The following RIC1 variants were observed in gnomAD, a reference collection of about 807,000 sequenced individuals.
The protein encoded by RIC1 is RIC1 partner of RAB6A GEF complex, also known as guanine nucleotide exchange factor subunit RIC1.
In RIC1, 88 loss-of-function variants were observed where a neutral mutation model predicts 169.0. That is an observed-to-expected ratio of 0.52 (90% CI 0.44 to 0.62). RIC1 has a LOEUF of 0.62. RIC1 is among the 20% of genes least tolerant of loss of function. The pLI is 0.00. For missense variants in RIC1, 1,877 were observed against 1,725.5 expected (o/e 1.09, Z -1.56); for synonymous variants, 790 against 601.5 (o/e 1.31, Z -4.59).
At chr9:5,750,298 A>G (rs1825645023) in intron 12 of RIC1, among the ~76,000 whole-genome samples, 2 of 151,914 alleles carry the variant, frequency 1.3e-5, no homozygotes, top group South Asian at 4.1e-4. Flanking sequence ...TCTGAAAGGT[A>G]CATAAATCTA....
chr9:5,763,908 G>T lies in RIC1; in HGVS notation c.2841+40G>T, dbSNP rs373520548. The T allele has an allele frequency of 1.9e-6, 3 of 1,539,862 alleles. No homozygotes were observed. In the African/African-American group the frequency reaches 4.2e-5, roughly 21 times the overall value. On this transcript the variant is annotated intron_variant, in intron 19 of 25. Transcript: ENST00000414202. This position sits in a 1 kb window ranked among gnomAD's most constrained non-coding sequence, Gnocchi z 5.2. The stretch of plus-strand genomic sequence containing the variant: ...CTTATAAAGGGGCAAGAATTAATGA[G>T]CTTAAACTTAGAAAAATAGAAATGT...
chr9:5,777,368 A>G (rs1351589798), downstream of RIC1, among the ~76,000 whole-genome samples: 5 of 151,368 alleles, frequency 3.3e-5, no homozygotes, highest in African/African-American at 1.2e-4. Flanking sequence ...TCCACACAAA[A>G]TGGAAGACTC....
intron 3 of RIC1, among the ~76,000 whole-genome samples, chr9:5,709,482 T>G (rs1822802552): frequency 6.6e-6 from 1 of 152,210 alleles, no homozygotes; most frequent in South Asian, 2.1e-4. Context: ...TTCAGTTTTC[T>G]CTCTGAAAAA....
intron 6 of RIC1, among the ~76,000 whole-genome samples, chr9:5,723,469 G>A (rs908099649): frequency 9.2e-5 from 14 of 152,194 alleles, no homozygotes; most frequent in African/African-American, 3.1e-4. Flanking sequence ...CCCTTTGTCA[G>A]ATGGGTAGAT....
At chr9:5,647,369 A>C (rs1045177752) in intron 1 of RIC1, among the ~76,000 whole-genome samples, 1 of 152,214 alleles carries the variant, frequency 6.6e-6, no homozygotes, top group Non-Finnish European at 1.5e-5. Flanking sequence ...TTTTGAAAGG[A>C]CTTACATTGA....
chr9:5,760,018 A>G (rs1586704245), intron 17 of RIC1, among the ~76,000 whole-genome samples: 1 of 152,234 alleles, frequency 6.6e-6, no homozygotes, highest in Admixed American at 6.5e-5. Context: ...TAATTTGGCT[A>G]GAGCAGATTA....
At chr9:5,639,569 G>C (rs180971514) in intron 1 of RIC1, among the ~76,000 whole-genome samples, 1 of 152,256 alleles carries the variant, frequency 6.6e-6, no homozygotes, top group African/African-American at 2.4e-5. Flanking sequence ...GCACCCTTTG[G>C]ATGAAATGTT....
At chr9:5,729,312 A>G (rs1487692554) in intron 6 of RIC1, among the ~76,000 whole-genome samples, 1 of 152,168 alleles carries the variant, frequency 6.6e-6, no homozygotes, top group Non-Finnish European at 1.5e-5. Context: ...TTGGCTGCTC[A>G]GCTTTGGGGA....
intron 1 of RIC1, among the ~76,000 whole-genome samples, chr9:5,637,387 A>G (rs1389063203): frequency 6.6e-6 from 1 of 152,196 alleles, no homozygotes; most frequent in Non-Finnish European, 1.5e-5. Context: ...TTTTGATACT[A>G]GCGTGCAATT....
At chr9:5,696,128 C>T (rs1489589024) in intron 3 of RIC1, among the ~76,000 whole-genome samples, 1 of 152,110 alleles carries the variant, frequency 6.6e-6, no homozygotes, top group Non-Finnish European at 1.5e-5. Flanking sequence ...CTATTTTACT[C>T]TCATTGGTCT....
chr9:5,728,936 C>T (rs141109596), intron 6 of RIC1, among the ~76,000 whole-genome samples: 8 of 152,114 alleles, frequency 5.3e-5, no homozygotes, highest in Admixed American at 2.6e-4. Context: ...TTACTATGTC[C>T]TTTACCATAG....
chr9:5,736,818 A>T (rs186004441), intron 7 of RIC1, among the ~76,000 whole-genome samples: 1 of 152,304 alleles, frequency 6.6e-6, no homozygotes, highest in African/African-American at 2.4e-5. Context: ...ACACAGAAAA[A>T]AAAGAAAACA....
At chr9:5,731,959 C>G (rs1435708160) in intron 6 of RIC1, among the ~76,000 whole-genome samples, 1 of 152,006 alleles carries the variant, frequency 6.6e-6, no homozygotes, top group African/African-American at 2.4e-5. Context: ...AAGAATAAAC[C>G]AAACAGAATG....
chr9:5,718,445 T>A (rs1823399736), intron 4 of RIC1, among the ~76,000 whole-genome samples: 1 of 152,146 alleles, frequency 6.6e-6, no homozygotes, highest in Admixed American at 6.5e-5. Context: ...CTGGAGCCCT[T>A]TAGTCATTTA....
At chr9:5,740,288 A>G (rs1400505326) in intron 8 of RIC1, among the ~76,000 whole-genome samples, 2 of 152,224 alleles carry the variant, frequency 1.3e-5, no homozygotes, top group Middle Eastern at 3.4e-3. Context: ...AGTGCGTACT[A>G]TTAGAAATAG....
intron 2 of RIC1, among the ~76,000 whole-genome samples, chr9:5,667,424 G>C (rs908850680): frequency 6.6e-6 from 1 of 150,750 alleles, no homozygotes; most frequent in Non-Finnish European, 1.5e-5. Context: ...TGCTAGCTTC[G>C]GGATTACTTT....
chr9:5,705,520 A>G (rs1822531574), intron 3 of RIC1, among the ~76,000 whole-genome samples: 1 of 152,144 alleles, frequency 6.6e-6, no homozygotes, highest in African/African-American at 2.4e-5. Context: ...TATTAGCTCT[A>G]ATAACTCTTC....
intron 3 of RIC1, among the ~76,000 whole-genome samples, chr9:5,691,195 A>G (rs899618122): frequency 1.3e-5 from 2 of 151,992 alleles, no homozygotes; most frequent in Non-Finnish European, 2.9e-5. Flanking sequence ...TATAATGCCA[A>G]GTGAAGAAAC....
In RIC1 at chr9:5,637,759, A is replaced by G. The variant is rs531664867; in HGVS notation, c.144+8306A>G. Among the ~76,000 whole-genome samples the G allele has an allele frequency of 1.2e-4, 18 of 152,324 alleles. No homozygotes were observed. In the South Asian group the frequency reaches 3.3e-3, roughly 28 times the overall value. ...TATTGCACTTAACATAATGACCTCT[A>G]GTTCCATCCATGTTGTTGTAAATGA... On this transcript the variant is annotated intron_variant, in intron 1 of 25. Coordinates refer to ENST00000414202, the MANE Select transcript of RIC1 (RefSeq NM_020829.4).
Sources: gnomAD v4.1 joint callset for allele counts (sites outside exome capture counted in the v4.1 genomes callset) on GRCh38, gnomAD v4.1.1 for gene constraint, Gnocchi (gnomAD v3.1) non-coding constraint, MANE v1.5 for transcripts, NCBI Gene and HGNC (gene_info 2026-07-23, HGNC 2026-07-21) for gene names.